RYR2: variants seen among roughly 807,000 people sequenced by gnomAD.
RYR2 encodes the protein cardiac muscle ryanodine receptor-calcium release channel.
RYR2 carries 227 observed loss-of-function variants against 601.1 expected under a neutral mutation model. That is an observed-to-expected ratio of 0.38 (90% CI 0.34 to 0.42). The LOEUF (loss-of-function observed/expected upper bound fraction) is 0.42. Among genes scored for constraint, RYR2 ranks in the 10% least tolerant of loss-of-function variants. RYR2 has a pLI of 1.00. For missense variants in RYR2, 4,646 were observed against 6,156.5 expected (o/e 0.75, Z 8.21); for synonymous variants, 2,223 against 2,175.1 (o/e 1.02, Z -0.61).
At chr1:237,560,910 G>A (rs189251716) in intron 27 of RYR2, among the ~76,000 whole-genome samples, 67 of 152,326 alleles carry the variant, frequency 4.4e-4, no homozygotes, top group African/African-American at 1.5e-3. Context: ...AGTTAGTGGT[G>A]CCAATCTGTT....
chr1:237,120,453 A>G (rs372301350), intron 1 of RYR2, among the ~76,000 whole-genome samples: 1 of 152,172 alleles, frequency 6.6e-6, no homozygotes, highest in Non-Finnish European at 1.5e-5. Flanking sequence ...AAAAGAGACA[A>G]TGCCTGGGAA....
Position 237,680,476 on chromosome 1 carries a change from T to A in RYR2, c.8916T>A (p.Asp2972Glu). Residue 2972 changes from aspartate to glutamate, a missense_variant, in exon 62 of 105, where the codon GAT becomes GAA. Asp to Glu is a conservative substitution (Grantham distance 45). Transcript: ENST00000366574. ...FFAKVVLPLI[D>E]QYFKNHRLYF... ...TTCAGGTCGTTCTTCCTTTAATTGA[T>A]CAGTATTTCAAAAACCATCGTTTAT... 6.2e-7 allele frequency: 1 copy of A among 1,607,918 alleles called. No individual in the cohort carries two copies. Among genetic ancestry groups the A allele is most frequent in the South Asian group, 1.1e-5 (1 of 90,858 alleles).
At chr1:237,444,166 A>G (rs1708137038) in intron 13 of RYR2, among the ~76,000 whole-genome samples, 1 of 151,944 alleles carries the variant, frequency 6.6e-6, no homozygotes, top group Admixed American at 6.6e-5. Flanking sequence ...GCTTTGTTTT[A>G]TTTATCATCA....
At chr1:237,309,497 G>C (rs559290535) in intron 2 of RYR2, among the ~76,000 whole-genome samples, 1 of 152,356 alleles carries the variant, frequency 6.6e-6, no homozygotes, top group South Asian at 2.1e-4. Flanking sequence ...TGATTGGTGT[G>C]TATGCAATCC....
chr1:237,067,109 C>G (rs1663745801), intron 1 of RYR2, among the ~76,000 whole-genome samples: 1 of 152,062 alleles, frequency 6.6e-6, no homozygotes, highest in Non-Finnish European at 1.5e-5. Context: ...CATTTTCTCC[C>G]TCTCAACAGT....
chr1:237,698,879 A>T, intron 63 of RYR2, 86 bp from the exon 64 acceptor site: 1 of 699,264 alleles, frequency 1.4e-6, no homozygotes, highest in Non-Finnish European at 2.4e-6. Context: ...GTCATTGACT[A>T]ATTTTTCTAG....
chr1:237,349,754 G>T (rs1698599268), intron 3 of RYR2, among the ~76,000 whole-genome samples: 1 of 152,060 alleles, frequency 6.6e-6, no homozygotes, highest in Admixed American at 6.6e-5. Context: ...AACCTCTAGG[G>T]TACTAACCAA....
intron 1 of RYR2, among the ~76,000 whole-genome samples, chr1:237,101,299 TAAAAAAAAAAAAAAAAA>T (rs374151748): frequency 1.1e-5 from 1 of 94,144 alleles, no homozygotes; most frequent in African/African-American, 3.9e-5. Flanking sequence ...TTTTAGAAGT[TAAAAAAAAAAAAAAAAA>T]AAAAAAAACC....
intron 27 of RYR2, among the ~76,000 whole-genome samples, chr1:237,565,086 C>T (rs1671830131): frequency 6.6e-6 from 1 of 151,544 alleles, no homozygotes; most frequent in Admixed American, 6.6e-5. Flanking sequence ...ATAGGAACTT[C>T]CTTCTTCTCT....
chr1:237,817,707 C>T (rs1315290181), intron 100 of RYR2, among the ~76,000 whole-genome samples: 4 of 152,296 alleles, frequency 2.6e-5, no homozygotes, highest in East Asian at 1.9e-4. Flanking sequence ...AGTCCTGGGG[C>T]ATTTGTTCAT....
chr1:237,445,223 A>G (rs1370823371), intron 13 of RYR2, among the ~76,000 whole-genome samples, 178 bp from the exon 14 acceptor site: 1 of 152,130 alleles, frequency 6.6e-6, no homozygotes, highest in Non-Finnish European at 1.5e-5. Flanking sequence ...TGGAATGGCT[A>G]ATTTGTATAG....
At chr1:237,381,688 G>A (rs1210674861) in intron 8 of RYR2, among the ~76,000 whole-genome samples, 1 of 152,192 alleles carries the variant, frequency 6.6e-6, no homozygotes, top group East Asian at 1.9e-4. Context: ...AACATGCCTT[G>A]TGGACAGAAG....
chr1:237,566,900 AG>A (rs1400584150), intron 28 of RYR2, 125 bp downstream of exon 28: 3 of 1,001,308 alleles, frequency 3.0e-6, no homozygotes, highest in Admixed American at 2.0e-5. Context: ...AATATTTCAC[AG>A]GAAAGCTTTT....
At chr1:237,288,540 A>C (rs1450849816) in intron 2 of RYR2, among the ~76,000 whole-genome samples, 1 of 151,780 alleles carries the variant, frequency 6.6e-6, no homozygotes, top group African/African-American at 2.4e-5. Context: ...TTGTGTACCT[A>C]GGAGGATTAT....
rs1311686396 is a variant in RYR2, at chr1:237,639,091, G to A, written c.7005G>A (p.Leu2335=). The A allele has an allele frequency of 6.2e-7, 1 of 1,613,774 alleles. No homozygotes were observed. Among genetic ancestry groups the A allele is most frequent in the Non-Finnish European group, 8.5e-7 (1 of 1,179,870 alleles). Residue 2335 remains leucine, a synonymous_variant, in exon 46 of 105, where the codon TTG becomes TTA. Coordinates refer to ENST00000366574, the MANE Select transcript of RYR2 (RefSeq NM_001035.3). The part of the protein sequence containing the change: ...IRRPECFGPA[L]RGEGGNGLLA... ...GGCCTGAGTGTTTTGGTCCTGCTTT[G>A]AGAGGAGAAGGTGGGAATGGGCTTC... is the stretch of plus-strand genomic sequence containing the variant.
chr1:237,176,017 A>C (rs551138286), intron 1 of RYR2, among the ~76,000 whole-genome samples: 20 of 152,104 alleles, frequency 1.3e-4, no homozygotes, highest in African/African-American at 4.8e-4. Flanking sequence ...GGATTGCTTG[A>C]GCCCAGGAGT....
rs1391139546 is a variant in RYR2 at position 237,592,987 on chromosome 1, C to T, written c.4276-489C>T. Among the ~76,000 whole-genome samples the T allele has an allele frequency of 3.3e-5, 5 of 151,240 alleles. No individual in the cohort carries two copies. In the East Asian group the frequency reaches 9.8e-4, roughly 30 times the overall value. ...AGTGAGCTGAGATCACACCACTACA[C>T]CCCAGCCTGGGTGACAGAGTGAGAG... is the stretch of plus-strand genomic sequence containing the variant. On this transcript the variant is annotated intron_variant, in intron 32 of 104. Transcript: ENST00000366574.
At chr1:237,622,594 A>G (rs1679188117) in intron 38 of RYR2, among the ~76,000 whole-genome samples, 1 of 152,168 alleles carries the variant, frequency 6.6e-6, no homozygotes, top group African/African-American at 2.4e-5. Context: ...TTCTGCATCT[A>G]TGGATTCAAC....
At chr1:237,200,609 G>C (rs776340497) in intron 1 of RYR2, among the ~76,000 whole-genome samples, 2 of 152,130 alleles carry the variant, frequency 1.3e-5, no homozygotes, top group East Asian at 3.9e-4. Flanking sequence ...ATACGAATCA[G>C]AAAATAAGTA....
Sources: gnomAD v4.1 joint callset for allele counts (sites outside exome capture counted in the v4.1 genomes callset) on GRCh38, gnomAD v4.1.1 for gene constraint, MANE v1.5 for transcripts, NCBI Gene and HGNC (gene_info 2026-07-23, HGNC 2026-07-21) for gene names.